Variants in TLR2 observed in about 807,000 individuals in gnomAD.
The protein encoded by TLR2 is toll-like receptor 2.
TLR2 carries 7 observed loss-of-function variants against 9.1 expected under a neutral mutation model. That is an observed-to-expected ratio of 0.77 (90% CI 0.44 to 1.44). The LOEUF (loss-of-function observed/expected upper bound fraction) is 1.44, where lower values mean the gene tolerates loss of function less well. TLR2 is among the 40% of genes most tolerant of loss of function. The probability of loss-of-function intolerance (pLI) is 0.01; values close to 1 mark genes in which losing one functional copy is unlikely to be tolerated. For synonymous variants in TLR2, 317 were observed against 344.6 expected, an observed-to-expected ratio of 0.92 and a Z score of 0.89; for missense variants, 812 against 904.6, an observed-to-expected ratio of 0.90 and a Z score of 1.31.
At chr4:153,693,905 C>T (rs757637934) in intron 2 of TLR2, among the ~76,000 whole-genome samples, 5 of 152,160 alleles carry the variant, frequency 3.3e-5, no homozygotes, top group East Asian at 1.9e-4. Context: ...TGAGTCCCCA[C>T]GTTGGGCGCC....
intron 2 of TLR2, among the ~76,000 whole-genome samples, chr4:153,695,357 A>C (rs555285535): frequency 2.6e-5 from 4 of 152,222 alleles, no homozygotes; most frequent in Non-Finnish European, 5.9e-5. Context: ...TCTTTTGGAT[A>C]AAAGCCATTT....
chr4:153,697,463 A>G (rs1736584906), intron 2 of TLR2, among the ~76,000 whole-genome samples: 1 of 152,176 alleles, frequency 6.6e-6, no homozygotes, highest in Admixed American at 6.5e-5. Flanking sequence ...TTCTACAATT[A>G]TGTGGCTTTC....
At chr4:153,687,322 T>C (rs947530580) in intron 1 of TLR2, among the ~76,000 whole-genome samples, 7 of 152,020 alleles carry the variant, frequency 4.6e-5, no homozygotes, top group Non-Finnish European at 1.0e-4. Flanking sequence ...AATAATAATA[T>C]AAGAATAGAA....
At chr4:153,696,031 G>A (rs1898831) in intron 2 of TLR2, among the ~76,000 whole-genome samples, 117,631 of 151,996 alleles carry the variant, frequency 0.77, 47,047 homozygotes, top group East Asian at 1. Context: ...CTGTTGTTCT[G>A]TGTGTCTGTT....
chr4:153,691,703 A>G (rs112328883), intron 2 of TLR2, among the ~76,000 whole-genome samples: 2,234 of 152,316 alleles, frequency 0.015, 53 homozygotes, highest in African/African-American at 0.051. Flanking sequence ...CTCAGGGCAT[A>G]GGTGGGAATG....
intron 1 of TLR2, among the ~76,000 whole-genome samples, chr4:153,686,219 ACT>A (rs1435388135): frequency 2.0e-5 from 3 of 152,140 alleles, no homozygotes; most frequent in African/African-American, 4.8e-5. Flanking sequence ...ACAGAGCGAG[ACT>A]CTGTCTCAAA....
In TLR2 at chr4:153,695,840, G is replaced by A. The variant is rs1008692881; in HGVS notation, c.-16-7052G>A. Among the ~76,000 whole-genome samples the A allele has an allele frequency of 3.3e-5, 5 of 151,998 alleles. No homozygotes were observed. The South Asian group carries it at 1.0e-3, about 31-fold the overall frequency. Reference sequence around the variant, plus strand: ...TAGATTTAAGTCTTTAATCTATTTTGTTTTTATTTTTGTATATGGCAAGAT... The same window carrying A: ...TAGATTTAAGTCTTTAATCTATTTTATTTTTATTTTTGTATATGGCAAGAT... On this transcript the variant is annotated intron_variant, in intron 2 of 2. Coordinates refer to ENST00000642700, the MANE Select transcript of TLR2 (RefSeq NM_001318789.2).
At chr4:153,708,227 G>A (rs554451736), downstream of TLR2, among the ~76,000 whole-genome samples, 56 of 152,296 alleles carry the variant, frequency 3.7e-4, no homozygotes, top group Middle Eastern at 3.4e-3. Context: ...TTTGCCGAGA[G>A]TTCTAAATGG....
chr4:153,693,175 A>T (rs745959199), intron 2 of TLR2, among the ~76,000 whole-genome samples: 4 of 152,204 alleles, frequency 2.6e-5, no homozygotes, highest in Non-Finnish European at 5.9e-5. Flanking sequence ...ATCTGAATCA[A>T]TGACTCCTGT....
Position 153,705,331 on chromosome 4 carries a change from T to G in TLR2, c.*69T>G. ...TGTCACTAGTTATAGTTAAGTTCATTCAGACATAATTATATAAAAACTACG... is the reference window on the plus strand; with the variant it reads ...TGTCACTAGTTATAGTTAAGTTCATGCAGACATAATTATATAAAAACTACG... On this transcript the variant is annotated 3_prime_UTR_variant, in exon 3 of 3. Transcript: ENST00000642700. 6.9e-7 allele frequency: 1 copy of G among 1,441,586 alleles called. No individual in the cohort carries two copies. Among genetic ancestry groups the G allele is most frequent in the Non-Finnish European group, 9.2e-7 (1 of 1,081,330 alleles). The allele number at this position is 1,441,586 out of a possible 1,614,324, so 89.3% of individuals were successfully genotyped here.
At chr4:153,696,414 T>C (rs908026766) in intron 2 of TLR2, among the ~76,000 whole-genome samples, 2 of 152,182 alleles carry the variant, frequency 1.3e-5, no homozygotes, top group Admixed American at 6.5e-5. Flanking sequence ...GTAGAGATCT[T>C]TTACTCCTTT....
At chr4:153,699,518 A>G (rs1364998356) in intron 2 of TLR2, among the ~76,000 whole-genome samples, 1 of 152,160 alleles carries the variant, frequency 6.6e-6, no homozygotes, top group Non-Finnish European at 1.5e-5. Flanking sequence ...AGCTCACTCT[A>G]CTGCAAAGGC....
chr4:153,702,759 TCTTTGTGTGTGTGTGTGTGTGTGTG>T, intron 2 of TLR2, 108 bp from the exon 3 acceptor site: 2 of 570,752 alleles, frequency 3.5e-6, no homozygotes, highest in East Asian at 3.5e-5. Flanking sequence ...TCTCTCTCTC[TCTTTGTGTGTGTGTGTGTGTGTGTG>T]TGTGTGTGTG....
chr4:153,703,005 A>G lies in TLR2; in HGVS notation c.98A>G (p.Asn33Ser), dbSNP rs1283146901. ...CAGGCTTCTCTGTCTTGTGACCGCA[A>G]TGGTATCTGCAAGGGCAGCTCAGGA... is the stretch of plus-strand genomic sequence containing the variant. Reference protein sequence around the residue: ...SNQASLSCDRNGICKGSSGSL... With the variant: ...SNQASLSCDRSGICKGSSGSL... Residue 33 changes from asparagine to serine, a missense_variant, in exon 3 of 3, where the codon AAT becomes AGT. Asn to Ser is a conservative substitution (Grantham distance 46). Transcript: ENST00000642700. 4 of 1,614,024 alleles carry G rather than the reference A, an allele frequency of 2.5e-6. No individual in the cohort carries two copies. The South Asian group carries it at 3.3e-5, about 13-fold the overall frequency.
intron 2 of TLR2, chr4:153,701,751 A>G (rs1162541146): frequency 6.8e-6 from 1 of 147,176 alleles, no homozygotes; most frequent in Non-Finnish European, 1.5e-5. Flanking sequence ...ATAAATATGC[A>G]TGGTATGACC....
chr4:153,700,692 A>T (rs1416636498), intron 2 of TLR2, among the ~76,000 whole-genome samples: 2 of 152,236 alleles, frequency 1.3e-5, no homozygotes, highest in African/African-American at 4.8e-5. Context: ...TATTAAGTGT[A>T]TATCTCCTAT....
At chr4:153,709,703 C>T (rs921857210), downstream of TLR2, among the ~76,000 whole-genome samples, 22 of 152,316 alleles carry the variant, frequency 1.4e-4, no homozygotes, top group African/African-American at 4.3e-4. Flanking sequence ...TGACTGTGCA[C>T]GTGTATGTGT....
At chr4:153,686,106 C>A (rs1285119293) in intron 1 of TLR2, among the ~76,000 whole-genome samples, 1 of 152,158 alleles carries the variant, frequency 6.6e-6, no homozygotes, top group Non-Finnish European at 1.5e-5. Flanking sequence ...AACATTAATC[C>A]ATTTATGAGG....
chr4:153,704,650 G>C lies in TLR2; in HGVS notation c.1743G>C (p.Ser581=). The change falls in exon 3 of 3, where the codon TCG becomes TCC. Residue 581 remains serine (S), a synonymous_variant. Coordinates refer to ENST00000642700, the MANE Select transcript of TLR2 (RefSeq NM_001318789.2). ...AGCAGGTTCAGGATGTCCGCCTCTC[G>C]GTGTCGGAATGTCACAGGACAGCAC... The part of the protein sequence containing the change: ...RGQQVQDVRL[S]VSECHRTALV... The C allele has an allele frequency of 6.2e-7, 1 of 1,613,322 alleles. No homozygotes were observed. The highest frequency in any genetic ancestry group is 1.1e-5 in the South Asian group (1 of 91,036).
Sources: gnomAD v4.1 joint callset for allele counts (sites outside exome capture counted in the v4.1 genomes callset) on GRCh38, gnomAD v4.1.1 for gene constraint, MANE v1.5 for transcripts, NCBI Gene and HGNC (gene_info 2026-07-23, HGNC 2026-07-21) for gene names.